Variants in ATP11B observed in about 807,000 individuals in gnomAD.
ATP11B encodes phospholipid-transporting ATPase IF.
Under a neutral mutation model 157.8 loss-of-function variants are expected in ATP11B, and 81 were observed. The observed-to-expected ratio is 0.51, with a 90% confidence interval of 0.43 to 0.62. The LOEUF is 0.62. ATP11B is among the 20% of genes least tolerant of loss of function. The probability of loss-of-function intolerance (pLI) is 0.00; values close to 1 mark genes in which losing one functional copy is unlikely to be tolerated. For synonymous variants in ATP11B, 451 were observed against 469.4 expected (o/e 0.96, Z 0.51); for missense variants, 1,165 against 1,402.2 (o/e 0.83, Z 2.70).
intron 25 of ATP11B, among the ~76,000 whole-genome samples, chr3:182,895,969 A>G (rs572619824): frequency 6.6e-6 from 1 of 152,258 alleles, no homozygotes; most frequent in South Asian, 2.1e-4. Context: ...GAAATGTTGC[A>G]CTTTGACCAA....
chr3:182,905,123 C>G (rs1205143740), intron 28 of ATP11B, among the ~76,000 whole-genome samples: 1 of 152,054 alleles, frequency 6.6e-6, no homozygotes, highest in Non-Finnish European at 1.5e-5. Flanking sequence ...AATTATTGGT[C>G]AGTCTTAATC....
intron 12 of ATP11B, among the ~76,000 whole-genome samples, chr3:182,860,076 A>G (rs895333211): frequency 1.3e-5 from 2 of 151,958 alleles, no homozygotes; most frequent in Admixed American, 1.3e-4. Flanking sequence ...ATCACCCTGG[A>G]AATTCCTTTG....
chr3:182,808,168 G>A (rs982299771), intron 1 of ATP11B, among the ~76,000 whole-genome samples: 3 of 152,214 alleles, frequency 2.0e-5, no homozygotes, highest in Non-Finnish European at 2.9e-5. Flanking sequence ...CAAGGGGAAT[G>A]TAGATACTCT....
Position 182,836,126 on chromosome 3 carries a change from G to T in ATP11B, c.407G>T (p.Arg136Ile). ...VVRSGGLVKT[R>I]SKNIRVGDIV... ...CGAAGTGGTGGCCTTGTAAAAACTA[G>T]ATCAAAAAACATTCGGGTATGCATC... Residue 136 changes from arginine (R) to isoleucine (I), a missense_variant, in exon 5 of 30, where the codon AGA becomes ATA. Coordinates refer to ENST00000323116, the MANE Select transcript of ATP11B (RefSeq NM_014616.3). 2 of 1,612,932 alleles carry T rather than the reference G, an allele frequency of 1.2e-6. No individual in the cohort carries two copies. The highest frequency in any genetic ancestry group is 1.7e-6 in the Non-Finnish European group (2 of 1,179,444).
intron 1 of ATP11B, among the ~76,000 whole-genome samples, chr3:182,809,178 A>T (rs59129178): frequency 0.016 from 2,365 of 152,180 alleles, 59 homozygotes; most frequent in African/African-American, 0.055. Flanking sequence ...TGTGATAACC[A>T]TTAACAATTA....
At chr3:182,830,259 G>A (rs149174017) in intron 4 of ATP11B, among the ~76,000 whole-genome samples, 3 of 151,562 alleles carry the variant, frequency 2.0e-5, no homozygotes, top group Admixed American at 1.3e-4. Context: ...GGAGGTAGAG[G>A]CTGCCCTGAG....
intron 1 of ATP11B, among the ~76,000 whole-genome samples, chr3:182,802,422 A>G (rs185657900): frequency 2.0e-4 from 30 of 152,114 alleles, no homozygotes; most frequent in Admixed American, 1.6e-3. Flanking sequence ...CTTGATCTGT[A>G]TGCCAACCCC....
rs141799038 is a variant in ATP11B, at chr3:182,899,416, G to T, written c.3318+644G>T. ...TCCGCCTGCCTTGGCCTCCCGAAGC[G>T]CTGGGATTACAGGTGTGAGCCACTG... On this transcript the variant is annotated intron_variant, in intron 28 of 29. Coordinates refer to ENST00000323116, the MANE Select transcript of ATP11B (RefSeq NM_014616.3). 9.6e-3 allele frequency among the ~76,000 whole-genome samples: 1,461 copies of T among 152,112 alleles called. 25 individuals are homozygous for T. The highest frequency in any genetic ancestry group is 0.033 in the African/African-American group (1,385 of 41,484).
chr3:182,914,356 A>T (rs556077973), intron 29 of ATP11B: 169 of 980,552 alleles, frequency 1.7e-4, no homozygotes, highest in Non-Finnish European at 2.0e-4. Context: ...TTTTTTTAAA[A>T]TTTTTTTGCT....
At chr3:182,915,034 A>T (rs1340884199) in intron 29 of ATP11B, 2 of 985,312 alleles carry the variant, frequency 2.0e-6, no homozygotes, top group Non-Finnish European at 2.4e-6. Context: ...GGAACAGGTT[A>T]TAAAGAGTGA....
intron 19 of ATP11B, among the ~76,000 whole-genome samples, chr3:182,876,624 A>G (rs988103888): frequency 1.3e-5 from 2 of 152,192 alleles, no homozygotes; most frequent in African/African-American, 4.8e-5. Context: ...CCTGTTCCAA[A>G]ATGGTGCCTT....
chr3:182,918,373 C>T lies in ATP11B; in HGVS notation c.*269C>T, dbSNP rs1725270918. The T allele has an allele frequency of 9.8e-6, 4 of 410,256 alleles. No individual in the cohort carries two copies. The allele number at this position is 410,256 out of a possible 1,614,324, so 25.4% of individuals were successfully genotyped here. A position where few individuals can be genotyped will look rare whatever the true frequency, so the allele number is the denominator to read the frequency against. On this transcript the variant is annotated 3_prime_UTR_variant, in exon 30 of 30. Transcript: ENST00000323116. Reference sequence around the variant, plus strand: ...TGGTTTGTCCCTTGTGCTTATGGGACTCCTAATGGCATTTCAGTCTGTTGC... The same window carrying T: ...TGGTTTGTCCCTTGTGCTTATGGGATTCCTAATGGCATTTCAGTCTGTTGC...
intron 5 of ATP11B, 47 bp from the exon 6 acceptor site, chr3:182,836,295 T>C (rs1718547382): frequency 6.2e-7 from 1 of 1,610,362 alleles, no homozygotes; most frequent in Non-Finnish European, 8.5e-7. Flanking sequence ...AGTAAGTCCT[T>C]GCCTTTTAAA....
chr3:182,921,548 TGTA>T lies in ATP11B; in HGVS notation c.*3448_*3450del, dbSNP rs1414162085. On this transcript the variant is annotated 3_prime_UTR_variant, in exon 30 of 30. Coordinates refer to ENST00000323116, the MANE Select transcript of ATP11B (RefSeq NM_014616.3). ...AAAAATTCTCTGCATTGTCAGTAAA[TGTA>T]GTATATTATTGTACAGCTACTCATA... 4 of 152,312 alleles carry T rather than the reference TGTA, an allele frequency of 2.6e-5. No individual in the cohort carries two copies. The highest frequency in any genetic ancestry group is 1.9e-4 in the East Asian group (1 of 5,182). The allele number at this position is 152,312 out of a possible 1,614,324, so 9.4% of individuals were successfully genotyped here.
At chr3:182,827,303 A>G (rs1291761543) in intron 2 of ATP11B, among the ~76,000 whole-genome samples, 1 of 152,164 alleles carries the variant, frequency 6.6e-6, no homozygotes. Flanking sequence ...AAGCACTTTT[A>G]TAGCAATTAG....
chr3:182,854,730 A>G (rs895835584), intron 10 of ATP11B, among the ~76,000 whole-genome samples: 1 of 151,560 alleles, frequency 6.6e-6, no homozygotes, highest in East Asian at 1.9e-4. Context: ...TCCTGAGTAT[A>G]TAATATATAT....
At chr3:182,830,638 A>G (rs185655616) in intron 4 of ATP11B, among the ~76,000 whole-genome samples, 25 of 152,324 alleles carry the variant, frequency 1.6e-4, no homozygotes, top group African/African-American at 5.3e-4. Context: ...TTCATTTTAT[A>G]AGATGTAGGG....
chr3:182,835,362 CTG>C (rs1718468615), intron 4 of ATP11B, among the ~76,000 whole-genome samples: 1 of 152,102 alleles, frequency 6.6e-6, no homozygotes, highest in African/African-American at 2.4e-5. Flanking sequence ...CTGTAATGCT[CTG>C]TGAATTTATA....
At chr3:182,903,719 G>A (rs1234325816) in intron 28 of ATP11B, among the ~76,000 whole-genome samples, 1 of 152,132 alleles carries the variant, frequency 6.6e-6, no homozygotes, top group Non-Finnish European at 1.5e-5. Context: ...CCAAATATGT[G>A]TATCACAATT....
Sources: allele counts gnomAD v4.1 joint callset (sites outside exome capture counted in the v4.1 genomes callset), GRCh38; gene constraint gnomAD v4.1.1; transcripts MANE v1.5; gene names NCBI Gene and HGNC (gene_info 2026-07-23, HGNC 2026-07-21).